The following TBC1D5 variants were observed in gnomAD, a reference collection of about 807,000 sequenced individuals.
TBC1D5 encodes the protein TBC1 domain family, member 5.
A neutral mutation model predicts 100.3 loss-of-function variants in TBC1D5; 75 were observed. That is an observed-to-expected ratio of 0.75 (90% CI 0.62 to 0.91). TBC1D5 has a LOEUF of 0.91. TBC1D5 is among the 40% of genes least tolerant of loss of function. The pLI, the probability that TBC1D5 is intolerant of heterozygous loss-of-function variation, is 0.00. For missense variants in TBC1D5, 910 were observed against 942.4 expected (o/e 0.97, Z 0.45); for synonymous variants, 323 against 325.6 (o/e 0.99, Z 0.09).
At chr3:17,575,310 C>T (rs1463353938) in intron 2 of TBC1D5, 1 of 141,796 alleles carries the variant, frequency 7.1e-6, no homozygotes, top group South Asian at 2.3e-4. Flanking sequence ...GTGAATATTG[C>T]CTCAAAAAAA....
intron 4 of TBC1D5, among the ~76,000 whole-genome samples, chr3:17,408,178 C>T (rs1434103722): frequency 1.3e-5 from 2 of 151,550 alleles, no homozygotes; most frequent in African/African-American, 4.9e-5. Context: ...CCTCAGTTTC[C>T]TCATCTGTAA....
intron 8 of TBC1D5, among the ~76,000 whole-genome samples, chr3:17,401,565 CAG>C (rs1433954720): frequency 6.6e-6 from 1 of 151,980 alleles, no homozygotes; most frequent in African/African-American, 2.4e-5. Context: ...GTGTGGCTAT[CAG>C]AGGTTTATTT....
At chr3:17,297,499 C>G (rs1010861354) in intron 14 of TBC1D5, among the ~76,000 whole-genome samples, 1 of 151,894 alleles carries the variant, frequency 6.6e-6, no homozygotes, top group African/African-American at 2.4e-5. Flanking sequence ...TCACTTGGAC[C>G]CGGGAAGTGG....
At chr3:17,294,499 A>G (rs1322551284) in intron 14 of TBC1D5, among the ~76,000 whole-genome samples, 2 of 152,256 alleles carry the variant, frequency 1.3e-5, no homozygotes, top group Non-Finnish European at 2.9e-5. Flanking sequence ...TAGAGACCAG[A>G]ACAATAATCC....
intron 13 of TBC1D5, among the ~76,000 whole-genome samples, chr3:17,370,154 A>G (rs1172659222): frequency 1.3e-5 from 2 of 152,184 alleles, no homozygotes; most frequent in Non-Finnish European, 2.9e-5. Flanking sequence ...AAGGAAACAG[A>G]AACACTCTGG....
chr3:17,700,771 C>T (rs1460667269), intron 1 of TBC1D5, among the ~76,000 whole-genome samples: 1 of 152,228 alleles, frequency 6.6e-6, no homozygotes, highest in South Asian at 2.1e-4. Flanking sequence ...AAAGCAAAAC[C>T]ACAATGAGAT....
chr3:17,425,383 T>G lies in TBC1D5; in HGVS notation c.167+3067A>C, dbSNP rs183881154. ...GGCTCACGCCTGTAATCCCAACACT[T>G]TGGGAGGCTAAGGCTGGCAGATTTC... On this transcript the variant is annotated intron_variant, in intron 4 of 21. Coordinates refer to ENST00000253692, the Ensembl canonical transcript of TBC1D5. 2.2e-3 allele frequency among the ~76,000 whole-genome samples: 342 copies of G among 152,208 alleles called. 6 individuals are homozygous for G. The highest frequency in any genetic ancestry group is 1.2e-3 in the Non-Finnish European group (80 of 68,010).
At chr3:17,329,012 C>G (rs189094392) in intron 13 of TBC1D5, among the ~76,000 whole-genome samples, 1 of 152,308 alleles carries the variant, frequency 6.6e-6, no homozygotes, top group African/African-American at 2.4e-5. Flanking sequence ...GAGGAAGGTG[C>G]TACAGAGATA....
intron 19 of TBC1D5, among the ~76,000 whole-genome samples, chr3:17,181,306 G>A (rs978815473): frequency 1.3e-5 from 2 of 152,204 alleles, no homozygotes; most frequent in Admixed American, 1.3e-4. Flanking sequence ...TGTAGACTCT[G>A]GACAAGTTAT....
intron 13 of TBC1D5, among the ~76,000 whole-genome samples, chr3:17,345,535 A>C (rs916521383): frequency 4.7e-4 from 71 of 152,262 alleles, no homozygotes; most frequent in African/African-American, 1.6e-3. Context: ...ATCTAGAACT[A>C]GAAATACTAT....
At chr3:17,656,780 T>C (rs1291286939) in intron 1 of TBC1D5, among the ~76,000 whole-genome samples, 1 of 152,122 alleles carries the variant, frequency 6.6e-6, no homozygotes, top group Non-Finnish European at 1.5e-5. Context: ...GTTTTTTCGC[T>C]AGAAAATGAT....
chr3:17,545,429 T>TG (rs1171657398), intron 2 of TBC1D5, among the ~76,000 whole-genome samples: 1 of 152,222 alleles, frequency 6.6e-6, no homozygotes, highest in Non-Finnish European at 1.5e-5. Flanking sequence ...CTCTGTTGTT[T>TG]AAGCCACTAA....
At chr3:17,460,444 A>G (rs1041428699) in intron 3 of TBC1D5, among the ~76,000 whole-genome samples, 115 of 152,150 alleles carry the variant, frequency 7.6e-4, no homozygotes, top group African/African-American at 2.7e-3. Context: ...ACGAATATTT[A>G]CTCTTTCCCA....
chr3:17,652,147 T>C (rs908511499), intron 1 of TBC1D5, among the ~76,000 whole-genome samples: 1 of 152,140 alleles, frequency 6.6e-6, no homozygotes, highest in African/African-American at 2.4e-5. Context: ...CTCTCAAGAT[T>C]AAGGAAAAAT....
intron 3 of TBC1D5, among the ~76,000 whole-genome samples, chr3:17,461,064 AATT>A (rs2095198818): frequency 6.6e-6 from 1 of 152,208 alleles, no homozygotes; most frequent in African/African-American, 2.4e-5. Context: ...TATTTATGAT[AATT>A]ATTAAAATGT....
exon 15 of TBC1D5, chr3:17,291,916 A>T: frequency 1.2e-6 from 2 of 1,613,872 alleles, no homozygotes; most frequent in Non-Finnish European, 1.7e-6. Context: ...TAAGGAACAG[A>T]GCCTTAAGAA....
intron 3 of TBC1D5, among the ~76,000 whole-genome samples, chr3:17,442,783 C>T (rs2094694901): frequency 6.6e-6 from 1 of 152,132 alleles, no homozygotes; most frequent in Non-Finnish European, 1.5e-5. Flanking sequence ...ACTGGAACCT[C>T]CACCCACAGA....
chr3:17,329,773 G>C (rs1170061473), intron 13 of TBC1D5, among the ~76,000 whole-genome samples: 3 of 152,084 alleles, frequency 2.0e-5, no homozygotes, highest in Admixed American at 6.6e-5. Context: ...ACTTCCTAAA[G>C]ATGCCATCTA....
chr3:17,498,670 C>A (rs2095746523), intron 3 of TBC1D5, among the ~76,000 whole-genome samples: 1 of 152,044 alleles, frequency 6.6e-6, no homozygotes, highest in African/African-American at 2.4e-5. Context: ...AGACTCGGCA[C>A]ATTAAACTGA....
Sources: allele counts gnomAD v4.1 joint callset (sites outside exome capture counted in the v4.1 genomes callset), GRCh38; gene constraint gnomAD v4.1.1; transcripts MANE v1.5; gene names NCBI Gene and HGNC (gene_info 2026-07-23, HGNC 2026-07-21).